Variants in GRM1 observed in about 807,000 individuals in gnomAD.
GRM1 encodes glutamate metabotropic receptor 1.
GRM1 carries 33 observed loss-of-function variants against 90.9 expected under a neutral mutation model. The ratio of observed to expected loss-of-function variants is 0.36; its 90% CI spans 0.28 to 0.49. The LOEUF (loss-of-function observed/expected upper bound fraction) is 0.49, where lower values mean the gene tolerates loss of function less well. Among genes scored for constraint, GRM1 ranks in the 20% least tolerant of loss-of-function variants. The pLI is 0.99. For missense variants in GRM1, 1,190 were observed against 1,534.3 expected (o/e 0.78, Z 3.75); for synonymous variants, 700 against 613.2 (o/e 1.14, Z -2.09).
At chr6:146,421,782 G>T (rs1365146254) in intron 7 of GRM1, among the ~76,000 whole-genome samples, 2 of 151,966 alleles carry the variant, frequency 1.3e-5, no homozygotes, top group Non-Finnish European at 2.9e-5. Context: ...TATATATAAA[G>T]AGTTTTAATA....
rs913845404 is a variant in GRM1 at position 146,349,244 on chromosome 6, T to A, written c.1187-3006T>A. Among the ~76,000 whole-genome samples the A allele has an allele frequency of 2.8e-4, 18 of 64,464 alleles. No individual in the cohort carries two copies. The East Asian group carries it at 5.9e-3, about 21-fold the overall frequency. The allele number at this position is 64,464 out of a possible 152,430, so 42.3% of individuals were successfully genotyped here. On this transcript the variant is annotated intron_variant, in intron 3 of 7. Coordinates refer to ENST00000282753, the MANE Select transcript of GRM1 (RefSeq NM_001278064.2). ...ACCATGCCCGGCTATTTTTTTTTTT[T>A]TATTTTTTTTTTATTTTTAGTAGAT...
intron 6 of GRM1, among the ~76,000 whole-genome samples, chr6:146,394,441 A>C (rs1459774774): frequency 6.6e-6 from 1 of 152,168 alleles, no homozygotes; most frequent in African/African-American, 2.4e-5. Context: ...AGAATTTTAT[A>C]ATGGTGATCT....
At chr6:146,228,248 G>T (rs926893255) in intron 2 of GRM1, among the ~76,000 whole-genome samples, 1 of 152,138 alleles carries the variant, frequency 6.6e-6, no homozygotes, top group Non-Finnish European at 1.5e-5. Context: ...CTAAAGAAAA[G>T]AAATTTGTTT....
chr6:146,302,857 A>G (rs920353528), intron 2 of GRM1, among the ~76,000 whole-genome samples: 3 of 152,088 alleles, frequency 2.0e-5, no homozygotes, highest in Non-Finnish European at 4.4e-5. Flanking sequence ...GAAAGAAAAA[A>G]GAAAGAAGGA....
At chr6:146,375,072 TTTA>T (rs1277089224) in intron 5 of GRM1, among the ~76,000 whole-genome samples, 10 of 152,052 alleles carry the variant, frequency 6.6e-5, no homozygotes, top group Non-Finnish European at 4.4e-5. Flanking sequence ...ATATTGTGTT[TTTA>T]TTATAATTCA....
At chr6:146,226,560 A>G (rs1780247025) in intron 2 of GRM1, among the ~76,000 whole-genome samples, 1 of 151,912 alleles carries the variant, frequency 6.6e-6, no homozygotes. Context: ...AACATTATCT[A>G]TGTATCACTA....
chr6:146,379,565 G>C (rs10457798), intron 5 of GRM1, among the ~76,000 whole-genome samples: 1 of 152,080 alleles, frequency 6.6e-6, no homozygotes, highest in Non-Finnish European at 1.5e-5. Flanking sequence ...GTTTCTCCAA[G>C]ATTGGTTTCC....
intron 1 of GRM1, among the ~76,000 whole-genome samples, chr6:146,081,965 A>T (rs1424875031): frequency 6.6e-6 from 1 of 152,166 alleles, no homozygotes; most frequent in Non-Finnish European, 1.5e-5. Context: ...GGTCAGTGGG[A>T]TTTTAGCGAG....
At chr6:146,110,502 T>A (rs1775516332) in intron 1 of GRM1, among the ~76,000 whole-genome samples, 1 of 152,134 alleles carries the variant, frequency 6.6e-6, no homozygotes, top group Non-Finnish European at 1.5e-5. Context: ...CAGTCTCAGA[T>A]ATATCTTTAT....
chr6:146,298,267 CT>C (rs1242554975), intron 2 of GRM1, among the ~76,000 whole-genome samples: 13 of 152,160 alleles, frequency 8.5e-5, no homozygotes, highest in Non-Finnish European at 1.8e-4. Flanking sequence ...TTAAGGAACA[CT>C]TTTTTTCTCT....
chr6:146,284,675 G>T (rs1276236994), intron 2 of GRM1, among the ~76,000 whole-genome samples: 1 of 152,114 alleles, frequency 6.6e-6, no homozygotes, highest in East Asian at 1.9e-4. Context: ...AAAAGTGGCA[G>T]TTTCCCCCAT....
chr6:146,345,082 A>T (rs894490055), intron 3 of GRM1, among the ~76,000 whole-genome samples: 9 of 152,178 alleles, frequency 5.9e-5, no homozygotes, highest in African/African-American at 2.2e-4. Context: ...AAGTGCTGGG[A>T]TTACAGGCGT....
At chr6:146,186,379 A>G (rs963665190) in intron 2 of GRM1, among the ~76,000 whole-genome samples, 2 of 152,100 alleles carry the variant, frequency 1.3e-5, no homozygotes, top group African/African-American at 2.4e-5. Flanking sequence ...TTTGGGCTGG[A>G]AATCAGTTGT....
intron 6 of GRM1, among the ~76,000 whole-genome samples, 190 bp downstream of exon 6, chr6:146,387,206 A>G (rs1437456359): frequency 6.6e-6 from 1 of 152,158 alleles, no homozygotes. Flanking sequence ...AAGAAAGTTC[A>G]TGTAAATCTA....
At chr6:146,348,736 A>G (rs1359491447) in intron 3 of GRM1, among the ~76,000 whole-genome samples, 3 of 152,234 alleles carry the variant, frequency 2.0e-5, no homozygotes, top group African/African-American at 4.8e-5. Context: ...TCAGGGAGAC[A>G]GCTGTGCACA....
intron 1 of GRM1, among the ~76,000 whole-genome samples, chr6:146,052,254 C>T (rs1775318330): frequency 6.6e-6 from 1 of 151,980 alleles, no homozygotes; most frequent in African/African-American, 2.4e-5. Context: ...ATTCCATTTT[C>T]TTAGTCATTT....
At chr6:146,040,590 C>A (rs775721078) in intron 1 of GRM1, among the ~76,000 whole-genome samples, 1 of 151,994 alleles carries the variant, frequency 6.6e-6, no homozygotes, top group Non-Finnish European at 1.5e-5. Context: ...ATCCTGCTCC[C>A]TCCTGGCCTG....
At chr6:146,343,591 T>C (rs1478363688) in intron 3 of GRM1, among the ~76,000 whole-genome samples, 2 of 151,994 alleles carry the variant, frequency 1.3e-5, no homozygotes, top group Admixed American at 6.6e-5. Flanking sequence ...TGGTTGGAAG[T>C]CTTTCAGTTG....
At chr6:146,361,152 T>C (rs1775452038) in intron 5 of GRM1, among the ~76,000 whole-genome samples, 1 of 152,180 alleles carries the variant, frequency 6.6e-6, no homozygotes, top group African/African-American at 2.4e-5. Flanking sequence ...AGAGCCTAGG[T>C]GGGTCTCCTA....
Sources: gnomAD v4.1 joint callset for allele counts (sites outside exome capture counted in the v4.1 genomes callset) on GRCh38, gnomAD v4.1.1 for gene constraint, MANE v1.5 for transcripts, NCBI Gene and HGNC (gene_info 2026-07-23, HGNC 2026-07-21) for gene names.